RBFOX3: variants seen among roughly 807,000 people sequenced by gnomAD.
RBFOX3 encodes RNA binding fox-1 homolog 3.
In RBFOX3, 17 loss-of-function variants were observed where a neutral mutation model predicts 48.7. The ratio of observed to expected loss-of-function variants is 0.35; its 90% CI spans 0.24 to 0.52. The LOEUF is 0.52. Ranked by LOEUF, RBFOX3 falls within the 20% of genes least tolerant of loss-of-function variation. The pLI is 0.94. For missense variants in RBFOX3, 382 were observed against 497.5 expected (o/e 0.77, Z 2.21); for synonymous variants, 212 against 209.5 (o/e 1.01, Z -0.10).
At chr17:79,587,426 G>GAC (rs1395159767) in intron 1 of RBFOX3, among the ~76,000 whole-genome samples, 3 of 152,232 alleles carry the variant, frequency 2.0e-5, no homozygotes, top group Admixed American at 2.0e-4. Flanking sequence ...CTTTGCAGTA[G>GAC]ACACCAGCAA....
intron 14 of RBFOX3, chr17:79,091,830 A>T: frequency 2.0e-6 from 1 of 494,062 alleles, no homozygotes; most frequent in African/African-American, 2.1e-5. Flanking sequence ...AGCGACCAGG[A>T]CGTGCCTTTC....
Position 79,507,207 on chromosome 17 carries a change from C to T in RBFOX3, c.-319-24609G>A, listed in dbSNP as rs898971327. 5.1e-3 allele frequency among the ~76,000 whole-genome samples: 781 copies of T among 152,282 alleles called. 2 individuals are homozygous for T. The highest frequency in any genetic ancestry group is 0.014 in the Middle Eastern group (4 of 294). On this transcript the variant is annotated intron_variant, in intron 1 of 14. Coordinates refer to ENST00000693108, the MANE Select transcript of RBFOX3 (RefSeq NM_001350451.2). ...ATCCCGCCTGCTTCTTATCAGACAC[C>T]ACTGGGTACCTCTGCCATCCCATCA... is the stretch of plus-strand genomic sequence containing the variant.
At chr17:79,356,373 T>TTTTGTTTTTG (rs1555684871) in intron 2 of RBFOX3, among the ~76,000 whole-genome samples, 8,937 of 88,884 alleles carry the variant, frequency 0.1, 885 homozygotes, top group East Asian at 0.18. Flanking sequence ...TTTTTTTTTT[T>TTTTGTTTTTG]TTTTTTTTTT....
chr17:79,561,873 T>A (rs1304928759), intron 1 of RBFOX3, among the ~76,000 whole-genome samples: 2 of 152,130 alleles, frequency 1.3e-5, no homozygotes, highest in Non-Finnish European at 2.9e-5. Context: ...CCAGCAAAGA[T>A]GTCATCCCTG....
the RBFOX3 span, among the ~76,000 whole-genome samples, chr17:79,620,541 A>C: frequency 6.7e-6 from 1 of 150,372 alleles, no homozygotes. Context: ...GCACATGCAC[A>C]CACGCATGCA....
At chr17:79,263,511 C>G (rs138656170) in intron 3 of RBFOX3, among the ~76,000 whole-genome samples, 48 of 152,294 alleles carry the variant, frequency 3.2e-4, no homozygotes, top group African/African-American at 1.1e-3. Context: ...CCGTGCTGCT[C>G]GTGGCAGAAG....
Position 79,252,020 on chromosome 17 carries a change from T to C in RBFOX3, c.-73-16215A>G, listed in dbSNP as rs1344515710. Among the ~76,000 whole-genome samples the C allele has an allele frequency of 6.6e-6, 1 of 152,176 alleles. No homozygotes were observed. Among genetic ancestry groups the C allele is most frequent in the Non-Finnish European group, 1.5e-5 (1 of 68,036 alleles). On this transcript the variant is annotated intron_variant, in intron 3 of 14. Coordinates refer to ENST00000693108, the MANE Select transcript of RBFOX3 (RefSeq NM_001350451.2). This position sits in a 1 kb window ranked among gnomAD's most constrained non-coding sequence, Gnocchi z 4.0. ...GACCAGGTGGCCTGAGCCAGCCTTGTCTTTCTCCATCTCTCAGCAGGGAAT... is the reference window on the plus strand; with the variant it reads ...GACCAGGTGGCCTGAGCCAGCCTTGCCTTTCTCCATCTCTCAGCAGGGAAT...
chr17:79,186,761 T>C (rs1351052179), intron 4 of RBFOX3, among the ~76,000 whole-genome samples: 2 of 152,230 alleles, frequency 1.3e-5, no homozygotes, highest in Admixed American at 6.5e-5. Context: ...TGAGCTGTAA[T>C]TATTTCTGCG....
intron 2 of RBFOX3, among the ~76,000 whole-genome samples, chr17:79,434,765 A>G (rs896120939): frequency 1.3e-5 from 2 of 152,168 alleles, no homozygotes; most frequent in Admixed American, 1.3e-4. Context: ...CTGACTCTGA[A>G]CTTCAGAGAA....
intron 1 of RBFOX3, among the ~76,000 whole-genome samples, chr17:79,511,848 C>A (rs570919179): frequency 1.3e-5 from 2 of 149,042 alleles, no homozygotes; most frequent in Non-Finnish European, 3.0e-5. Context: ...TCGGGTACAG[C>A]CCCATGGCCA....
intron 2 of RBFOX3, among the ~76,000 whole-genome samples, chr17:79,355,418 A>G (rs2084788161): frequency 6.6e-6 from 1 of 152,134 alleles, no homozygotes; most frequent in African/African-American, 2.4e-5. Flanking sequence ...CCCCGTTTCC[A>G]ATGCTTGTAC....
At chr17:79,114,822 G>A (rs1009305762) in intron 5 of RBFOX3, among the ~76,000 whole-genome samples, 1 of 152,192 alleles carries the variant, frequency 6.6e-6, no homozygotes, top group African/African-American at 2.4e-5. Context: ...CTGGGGCTCT[G>A]GGGGGTGGGT....
At chr17:79,594,711 T>C (rs1022128534) in intron 1 of RBFOX3, among the ~76,000 whole-genome samples, 177 of 152,360 alleles carry the variant, frequency 1.2e-3, no homozygotes, top group African/African-American at 4.0e-3. Context: ...TAAGGCACCT[T>C]ATAAATCAGA....
chr17:79,420,122 G>A lies in RBFOX3; in HGVS notation c.-175+62332C>T, dbSNP rs924785591. 1.6e-3 allele frequency among the ~76,000 whole-genome samples: 114 copies of A among 72,668 alleles called. 3 individuals carry two copies. Among genetic ancestry groups the A allele is most frequent in the African/African-American group, 6.3e-3 (100 of 15,836 alleles). 47.7% of individuals were successfully genotyped at this position (72,668 alleles called of 152,430 possible). On this transcript the variant is annotated intron_variant, in intron 2 of 14. Transcript: ENST00000693108. ...AGCCTGGGCAACAGAGCAAGACTCC[G>A]TCTCATACACACACACACACACACA...
chr17:79,442,254 A>G (rs1211149560), intron 2 of RBFOX3, among the ~76,000 whole-genome samples: 297 of 8,822 alleles, frequency 0.034, 75 homozygotes, highest in Non-Finnish European at 0.048. Flanking sequence ...AGAGAGAGAG[A>G]GAGAGAGAGA....
chr17:79,223,699 G>C (rs969596593), intron 4 of RBFOX3, among the ~76,000 whole-genome samples: 1 of 152,224 alleles, frequency 6.6e-6, no homozygotes, highest in Non-Finnish European at 1.5e-5. Flanking sequence ...AGAAGAAAGA[G>C]GGGCCGGGGT....
chr17:79,190,523 G>A (rs1166246402), intron 4 of RBFOX3, among the ~76,000 whole-genome samples: 4 of 151,768 alleles, frequency 2.6e-5, no homozygotes, highest in African/African-American at 4.8e-5. Context: ...CCCAGTCCCC[G>A]GCCTTCTAGC....
intron 2 of RBFOX3, among the ~76,000 whole-genome samples, chr17:79,475,887 G>A (rs897804168): frequency 1.3e-5 from 2 of 152,190 alleles, no homozygotes; most frequent in African/African-American, 4.8e-5. Context: ...AAGCAACCCC[G>A]CTGCCCTCCT....
intron 4 of RBFOX3, among the ~76,000 whole-genome samples, chr17:79,153,047 C>A (rs890051080): frequency 6.6e-6 from 1 of 152,210 alleles, no homozygotes; most frequent in South Asian, 2.1e-4. Context: ...GACATCTGCC[C>A]GCTGGGGCTG....
Sources: gnomAD v4.1 joint callset for allele counts (sites outside exome capture counted in the v4.1 genomes callset) on GRCh38, gnomAD v4.1.1 for gene constraint, Gnocchi (gnomAD v3.1) non-coding constraint, MANE v1.5 for transcripts, NCBI Gene and HGNC (gene_info 2026-07-23, HGNC 2026-07-21) for gene names.